LAMA1: variants seen among roughly 807,000 people sequenced by gnomAD.
The protein encoded by LAMA1 is laminin subunit alpha-1.
A neutral mutation model predicts 348.7 loss-of-function variants in LAMA1; 219 were observed. The ratio of observed to expected loss-of-function variants is 0.63; its 90% CI spans 0.56 to 0.70. LAMA1 has a LOEUF of 0.70. Ranked by LOEUF, LAMA1 falls within the 30% of genes least tolerant of loss-of-function variation. The pLI, the probability that LAMA1 is intolerant of heterozygous loss-of-function variation, is 0.00. For synonymous variants in LAMA1, 1,487 were observed against 1,491.0 expected, an observed-to-expected ratio of 1.00 and a Z score of 0.06; for missense variants, 3,744 against 3,888.0, an observed-to-expected ratio of 0.96 and a Z score of 0.99.
intron 36 of LAMA1, among the ~76,000 whole-genome samples, chr18:6,991,750 T>C (rs977885721): frequency 1.3e-5 from 2 of 152,140 alleles, no homozygotes; most frequent in African/African-American, 4.8e-5. Flanking sequence ...AAAGAAGAGA[T>C]ATATACAGTA....
rs746664690 is a variant in LAMA1 at position 7,011,362 on chromosome 18, G to T, written c.3625C>A (p.Arg1209=). 6.2e-7 allele frequency: 1 copy of T among 1,611,782 alleles called. No individual in the cohort carries two copies. The part of the protein sequence containing the change: ...PDFLLDAATV[R]QHIRAEPFYW... ...AACGGCTCTGCACGGATGTGCTGCCGGACGGTGGCGGCATCCAGCAGGAAG... is the reference window on the plus strand; with the variant it reads ...AACGGCTCTGCACGGATGTGCTGCCTGACGGTGGCGGCATCCAGCAGGAAG... Residue 1209 remains arginine, a synonymous_variant, in exon 25 of 63, where the codon CGG becomes AGG. Transcript: ENST00000389658.
chr18:6,992,378 C>T (rs2057762624), intron 36 of LAMA1, among the ~76,000 whole-genome samples, 183 bp downstream of exon 36: 1 of 152,232 alleles, frequency 6.6e-6, no homozygotes. Context: ...TTACACCTTT[C>T]TATATTTGGA....
chr18:7,049,311 AT>A, intron 4 of LAMA1, 54 bp from the exon 5 acceptor site: 1 of 1,496,422 alleles, frequency 6.7e-7, no homozygotes, highest in Non-Finnish European at 9.3e-7. Flanking sequence ...TTATTTATTT[AT>A]TTTTTGAGAT....
intron 34 of LAMA1, 142 bp downstream of exon 34, chr18:6,995,215 T>C: frequency 1.4e-6 from 1 of 707,884 alleles, no homozygotes; most frequent in African/African-American, 1.8e-5. Context: ...AATTTGATGA[T>C]TAAGTACCTG....
chr18:7,085,683 G>A (rs767713010), intron 1 of LAMA1, among the ~76,000 whole-genome samples: 4 of 152,038 alleles, frequency 2.6e-5, no homozygotes, highest in Non-Finnish European at 2.9e-5. Context: ...CTCCCAAAGT[G>A]CTGGGATTAC....
At chr18:7,046,874 T>C (rs1035425154) in intron 5 of LAMA1, among the ~76,000 whole-genome samples, 2 of 152,240 alleles carry the variant, frequency 1.3e-5, no homozygotes, top group African/African-American at 4.8e-5. Context: ...TTTTCCATTG[T>C]TCATTGCTAG....
intron 58 of LAMA1, among the ~76,000 whole-genome samples, chr18:6,949,937 C>A (rs76606541): frequency 0.047 from 7,174 of 152,266 alleles, 578 homozygotes; most frequent in African/African-American, 0.16. Context: ...ATTGTTTATA[C>A]TTTGCCCTTT....
intron 1 of LAMA1, among the ~76,000 whole-genome samples, chr18:7,111,420 A>G (rs1031147967): frequency 1.2e-4 from 18 of 152,212 alleles, no homozygotes. Flanking sequence ...ACCCAAAGAA[A>G]GCTCTCCTGA....
chr18:7,064,465 T>C (rs1403165947), intron 3 of LAMA1, among the ~76,000 whole-genome samples: 1 of 152,180 alleles, frequency 6.6e-6, no homozygotes, highest in Non-Finnish European at 1.5e-5. Flanking sequence ...ATCTTTCTCA[T>C]GACCTGATTT....
rs763812368 is a variant in LAMA1, at chr18:6,983,188, C to CT, written c.5706dup (p.Ala1903SerfsTer12). 1 of 1,614,180 alleles carries CT rather than the reference C, an allele frequency of 6.2e-7. No homozygotes were observed. Among genetic ancestry groups the CT allele is most frequent in the Non-Finnish European group, 8.5e-7 (1 of 1,180,036 alleles). Reference sequence around the variant, plus strand: ...CTCTGGATGTTGTAATGGACATAGGCTGCACTGGTGGCATTCAGGGACACA... The same window carrying CT: ...CTCTGGATGTTGTAATGGACATAGGCTTGCACTGGTGGCATTCAGGGACACA... On this transcript the variant is annotated frameshift_variant, in exon 40 of 63. Transcript: ENST00000389658. LOFTEE classifies it high-confidence loss of function.
intron 13 of LAMA1, 54 bp from the exon 14 acceptor site, chr18:7,034,744 T>C (rs2057986845): frequency 2.0e-6 from 3 of 1,526,668 alleles, no homozygotes; most frequent in South Asian, 1.2e-5. Flanking sequence ...AATGATAAAA[T>C]AAAAATAAAA....
intron 34 of LAMA1, among the ~76,000 whole-genome samples, chr18:6,994,675 A>G (rs370780156): frequency 0.18 from 5,197 of 28,334 alleles, 292 homozygotes; most frequent in African/African-American, 0.38. Flanking sequence ...CAGTACAGAC[A>G]CACACACACA....
intron 48 of LAMA1, among the ~76,000 whole-genome samples, chr18:6,968,802 TG>T (rs2057645285): frequency 6.6e-6 from 1 of 152,184 alleles, no homozygotes; most frequent in Admixed American, 6.5e-5. Flanking sequence ...TTCATTTACT[TG>T]GTAATATAAA....
Position 7,082,401 on chromosome 18 carries a change from G to GCGGAAC in LAMA1, c.62-1950_62-1945dup, listed in dbSNP as rs1180750749. The stretch of plus-strand genomic sequence containing the variant: ...AAAATAAGAAAAAAAAATGCTTTAT[G>GCGGAAC]CGGAACCAGATGAGTCATTGTGTTT... On this transcript the variant is annotated intron_variant, in intron 1 of 62. Coordinates refer to ENST00000389658, the MANE Select transcript of LAMA1 (RefSeq NM_005559.4). 3.9e-5 allele frequency among the ~76,000 whole-genome samples: 6 copies of GCGGAAC among 152,142 alleles called. No homozygotes were observed. The South Asian group carries it at 8.3e-4, about 21-fold the overall frequency.
intron 28 of LAMA1, among the ~76,000 whole-genome samples, chr18:7,007,900 T>C (rs1277892285): frequency 1.4e-5 from 2 of 144,896 alleles, no homozygotes; most frequent in Non-Finnish European, 3.0e-5. Flanking sequence ...AGACAAGTTC[T>C]GTATTACTCC....
chr18:6,986,432 T>C, intron 36 of LAMA1, 85 bp from the exon 37 acceptor site: 2 of 1,176,870 alleles, frequency 1.7e-6, no homozygotes, highest in Non-Finnish European at 2.5e-6. Flanking sequence ...AATTTTTACG[T>C]ATTTATGCCT....
intron 3 of LAMA1, among the ~76,000 whole-genome samples, chr18:7,065,674 C>T (rs1406477957): frequency 6.6e-6 from 1 of 152,180 alleles, no homozygotes; most frequent in Non-Finnish European, 1.5e-5. Context: ...TTGCAGTGAG[C>T]TGAGATCGCA....
chr18:7,057,471 CTTTTT>C (rs552843703), intron 3 of LAMA1, among the ~76,000 whole-genome samples: 1,126 of 90,772 alleles, frequency 0.012, 14 homozygotes, highest in African/African-American at 0.039. Flanking sequence ...CTTTTCTTTT[CTTTTT>C]TTTTTTTTTT....
chr18:6,958,557 A>C lies in LAMA1; in HGVS notation c.7884T>G (p.Ile2628Met), dbSNP rs1462858436. ...INVSNLYVGG[I>M]PEGEGTSLLT... ...GCAGTGACGTCCCCTCTCCCTCTGG[A>C]ATTCCCCCGACGTACAGATTGGACA... The change falls in exon 55 of 63, where the codon ATT becomes ATG. Residue 2628 changes from isoleucine (I) to methionine (M), a missense_variant. Transcript: ENST00000389658. 2 of 1,614,058 alleles carry C rather than the reference A, an allele frequency of 1.2e-6. No individual in the cohort carries two copies. Among genetic ancestry groups the C allele is most frequent in the African/African-American group, 1.3e-5 (1 of 74,930 alleles).
Sources: allele counts gnomAD v4.1 joint callset (sites outside exome capture counted in the v4.1 genomes callset), GRCh38; gene constraint gnomAD v4.1.1; transcripts MANE v1.5; gene names NCBI Gene and HGNC (gene_info 2026-07-23, HGNC 2026-07-21).